The following DTNA variants were observed in gnomAD, a reference collection of about 807,000 sequenced individuals.
DTNA encodes dystrobrevin alpha.
A neutral mutation model predicts 100.7 loss-of-function variants in DTNA; 43 were observed. That is an observed-to-expected ratio of 0.43 (90% CI 0.33 to 0.55). The LOEUF (loss-of-function observed/expected upper bound fraction) is 0.55, where lower values mean the gene tolerates loss of function less well. Among genes scored for constraint, DTNA ranks in the 20% least tolerant of loss-of-function variants. The pLI, the probability that DTNA is intolerant of heterozygous loss-of-function variation, is 0.04. For synonymous variants in DTNA, 349 were observed against 347.9 expected (o/e 1.00, Z -0.04); for missense variants, 798 against 953.9 (o/e 0.84, Z 2.15).
At chr18:34,661,796 A>G (rs1193293609) in intron 1 of DTNA, among the ~76,000 whole-genome samples, 1 of 152,170 alleles carries the variant, frequency 6.6e-6, no homozygotes, top group African/African-American at 2.4e-5. Flanking sequence ...ATGGAGGGAA[A>G]TTAAGTTATA....
At chr18:34,726,193 C>T (rs1043265155) in intron 1 of DTNA, among the ~76,000 whole-genome samples, 6 of 151,912 alleles carry the variant, frequency 3.9e-5, no homozygotes, top group African/African-American at 1.5e-4. Flanking sequence ...ACATGTATAC[C>T]TATGTAACAA....
rs1047840326 is a variant in DTNA, at chr18:34,888,243, A to T, written c.*509A>T. On this transcript the variant is annotated 3_prime_UTR_variant, in exon 23 of 23. Coordinates refer to ENST00000444659, the MANE Select transcript of DTNA (RefSeq NM_001386795.1). ...TTCTGAATTCTTTGAGATTTTAGCA[A>T]AACAGTTTATTATACACTGTACATT... 12 of 985,782 alleles carry T rather than the reference A, an allele frequency of 1.2e-5. No individual in the cohort carries two copies. Among genetic ancestry groups the T allele is most frequent in the African/African-American group, 1.7e-5 (1 of 57,256 alleles). 61.1% of individuals were successfully genotyped at this position (985,782 alleles called of 1,614,324 possible). A position where few individuals can be genotyped will look rare whatever the true frequency, so the allele number is the denominator to read the frequency against.
At chr18:34,557,680 C>T (rs1393646150) in intron 1 of DTNA, among the ~76,000 whole-genome samples, 5 of 151,688 alleles carry the variant, frequency 3.3e-5, no homozygotes, top group Admixed American at 2.0e-4. Context: ...TTAGGCTGCT[C>T]GGGGGTCAGG....
chr18:34,664,806 G>A (rs750704116), intron 1 of DTNA, among the ~76,000 whole-genome samples: 16 of 151,950 alleles, frequency 1.1e-4, no homozygotes, highest in Non-Finnish European at 2.1e-4. Context: ...ATTTCTAATA[G>A]GGTAAATATT....
At chr18:34,500,326 A>G (rs1192854817) in intron 1 of DTNA, among the ~76,000 whole-genome samples, 1 of 151,246 alleles carries the variant, frequency 6.6e-6, no homozygotes, top group Non-Finnish European at 1.5e-5. Context: ...TGTATTTTTA[A>G]TTTCAGTGTT....
upstream of DTNA, among the ~76,000 whole-genome samples, chr18:34,705,505 T>G (rs922668595): frequency 2.6e-5 from 4 of 152,198 alleles, no homozygotes; most frequent in African/African-American, 4.8e-5. Context: ...GAACTCTGTT[T>G]CCTTTCTAGC....
At chr18:34,687,834 A>G (rs1013899338) in intron 1 of DTNA, among the ~76,000 whole-genome samples, 4 of 152,202 alleles carry the variant, frequency 2.6e-5, no homozygotes, top group African/African-American at 9.7e-5. Context: ...TATTGGGTGC[A>G]TATATATTTA....
chr18:34,841,476 T>C (rs559327812), intron 13 of DTNA, among the ~76,000 whole-genome samples: 2 of 152,310 alleles, frequency 1.3e-5, no homozygotes, highest in East Asian at 3.9e-4. Flanking sequence ...AATTGTAAGC[T>C]TCAAAAAGGG....
At chr18:34,879,855 A>G in intron 20 of DTNA, 136 bp downstream of exon 20, 3 of 1,110,830 alleles carry the variant, frequency 2.7e-6, no homozygotes, top group Non-Finnish European at 2.6e-6. Context: ...TCTGCCAGAG[A>G]TATAGAAGGG....
chr18:34,811,853 A>C, intron 5 of DTNA, 106 bp from the exon 6 acceptor site: 1 of 1,302,570 alleles, frequency 7.7e-7, no homozygotes, highest in African/African-American at 1.5e-5. Flanking sequence ...CTTTCATAAA[A>C]AATGTTTATT....
chr18:34,861,725 T>C (rs2096630346), intron 16 of DTNA, among the ~76,000 whole-genome samples: 2 of 152,128 alleles, frequency 1.3e-5, no homozygotes, highest in Admixed American at 6.5e-5. Context: ...TTAGAGAAGA[T>C]TGAATGAAGA....
At chr18:34,722,589 T>C (rs1278265681) in intron 1 of DTNA, among the ~76,000 whole-genome samples, 2 of 142,004 alleles carry the variant, frequency 1.4e-5, no homozygotes, top group African/African-American at 2.6e-5. Flanking sequence ...TAATAGGTTT[T>C]GACATATATA....
chr18:34,809,487 G>A (rs1040420828), intron 5 of DTNA, among the ~76,000 whole-genome samples: 3 of 151,976 alleles, frequency 2.0e-5, no homozygotes, highest in African/African-American at 7.2e-5. Context: ...AAAAAAAACA[G>A]GTAAGGTCAT....
intron 1 of DTNA, among the ~76,000 whole-genome samples, chr18:34,741,560 T>C (rs1171694380): frequency 6.6e-6 from 1 of 152,166 alleles, no homozygotes; most frequent in Admixed American, 6.5e-5. Flanking sequence ...TAACTTTATG[T>C]CCAAGGATTT....
intron 1 of DTNA, among the ~76,000 whole-genome samples, chr18:34,621,700 G>A (rs1170113387): frequency 6.6e-6 from 1 of 152,054 alleles, no homozygotes; most frequent in African/African-American, 2.4e-5. Context: ...GTTAGTCAAA[G>A]GATACATTTC....
chr18:34,687,653 A>G (rs1219939920), intron 1 of DTNA, among the ~76,000 whole-genome samples: 1 of 152,206 alleles, frequency 6.6e-6, no homozygotes, highest in Non-Finnish European at 1.5e-5. Context: ...GATGTCTGTT[A>G]GATCTGCCTG....
intron 1 of DTNA, chr18:34,493,577 G>A (rs2038770775): frequency 6.6e-6 from 1 of 151,652 alleles, no homozygotes; most frequent in Admixed American, 6.6e-5. Context: ...GGGGTGGAGG[G>A]GGTCCGTGTG....
chr18:34,864,054 C>T lies in DTNA; in HGVS notation c.1735C>T (p.Leu579=). 6.2e-7 allele frequency: 1 copy of T among 1,609,132 alleles called. No homozygotes were observed. The highest frequency in any genetic ancestry group is 8.5e-7 in the Non-Finnish European group (1 of 1,177,806). Residue 579 remains leucine, a synonymous_variant, in exon 17 of 23, where the codon CTA becomes TTA. Transcript: ENST00000444659. ...GGTCCAGTTGGAGGGTCTCATGAAG[C>T]TACTAAAGGTAAGACCTGCCAGATA... ...LMVQLEGLMK[L]LKTQGAGSPR...
intron 1 of DTNA, among the ~76,000 whole-genome samples, chr18:34,697,799 C>A (rs986028578): frequency 6.6e-6 from 1 of 152,016 alleles, no homozygotes; most frequent in South Asian, 2.1e-4. Flanking sequence ...TTGTGGCCTG[C>A]CCTTGAGGGA....
Sources: gnomAD v4.1 joint callset for allele counts (sites outside exome capture counted in the v4.1 genomes callset) on GRCh38, gnomAD v4.1.1 for gene constraint, MANE v1.5 for transcripts, NCBI Gene and HGNC (gene_info 2026-07-23, HGNC 2026-07-21) for gene names.